TBCK: variants seen among roughly 807,000 people sequenced by gnomAD.
TBCK encodes the protein TBC1 domain containing kinase.
A neutral mutation model predicts 113.4 loss-of-function variants in TBCK; 99 were observed. That is an observed-to-expected ratio of 0.87 (90% CI 0.74 to 1.03). The LOEUF is 1.03. Ranked by LOEUF, TBCK falls within the 50% of genes least tolerant of loss-of-function variation. The probability of loss-of-function intolerance (pLI) is 0.00; values close to 1 mark genes in which losing one functional copy is unlikely to be tolerated. For synonymous variants in TBCK, 369 were observed against 370.8 expected, an observed-to-expected ratio of 1.00 and a Z score of 0.05; for missense variants, 1,045 against 1,061.3, an observed-to-expected ratio of 0.98 and a Z score of 0.21.
chr4:106,090,110 G>A (rs1287815219), intron 25 of TBCK, among the ~76,000 whole-genome samples: 1 of 152,224 alleles, frequency 6.6e-6, no homozygotes, highest in Non-Finnish European at 1.5e-5. Flanking sequence ...TTCTGCCTGG[G>A]TATCCAGACT....
intron 25 of TBCK, among the ~76,000 whole-genome samples, chr4:106,073,364 G>T (rs763612785): frequency 6.6e-6 from 1 of 152,046 alleles, no homozygotes; most frequent in Non-Finnish European, 1.5e-5. Context: ...CTCAGCTGCA[G>T]GTCTGTTGGA....
chr4:106,088,599 A>T (rs1739791781), intron 25 of TBCK, among the ~76,000 whole-genome samples: 1 of 152,226 alleles, frequency 6.6e-6, no homozygotes, highest in African/African-American at 2.4e-5. Context: ...ACTACTGGGT[A>T]TATACCCAAG....
At chr4:106,076,529 T>A (rs1467717010) in intron 25 of TBCK, among the ~76,000 whole-genome samples, 1 of 152,126 alleles carries the variant, frequency 6.6e-6, no homozygotes, top group African/African-American at 2.4e-5. Context: ...CCTTGTGAGA[T>A]ACTATGTAAG....
intron 3 of TBCK, among the ~76,000 whole-genome samples, chr4:106,289,933 C>T (rs1021264151): frequency 4.6e-5 from 7 of 152,036 alleles, no homozygotes; most frequent in African/African-American, 1.7e-4. Context: ...TCCAAGGATG[C>T]CTAACTAGTT....
chr4:106,092,563 G>T (rs1022553733), intron 25 of TBCK, among the ~76,000 whole-genome samples: 1 of 152,240 alleles, frequency 6.6e-6, no homozygotes, highest in Non-Finnish European at 1.5e-5. Context: ...GGCAGCTAAG[G>T]CCCGGTGAGA....
intron 24 of TBCK, among the ~76,000 whole-genome samples, chr4:106,097,436 T>C (rs555148940): frequency 4.6e-5 from 7 of 152,306 alleles, no homozygotes; most frequent in African/African-American, 1.4e-4. Context: ...TGAATGTCTG[T>C]AGACATGGTG....
At chr4:106,047,726 T>G (rs1734371149) in intron 25 of TBCK, among the ~76,000 whole-genome samples, 1 of 152,140 alleles carries the variant, frequency 6.6e-6, no homozygotes, top group African/African-American at 2.4e-5. Flanking sequence ...GGGCTCAATA[T>G]ATGTTTGCTG....
intron 15 of TBCK, among the ~76,000 whole-genome samples, chr4:106,234,218 ATTAAT>A (rs1396787730): frequency 6.6e-6 from 1 of 152,154 alleles, no homozygotes; most frequent in African/African-American, 2.4e-5. Flanking sequence ...TCTTTGAGAC[ATTAAT>A]TTAATGAGAG....
intron 19 of TBCK, among the ~76,000 whole-genome samples, chr4:106,218,766 TTGG>T (rs1369369564): frequency 9.8e-5 from 11 of 111,858 alleles, no homozygotes; most frequent in African/African-American, 3.3e-4. Context: ...TTTTACACTG[TTGG>T]TGGGACTGTA....
intron 25 of TBCK, among the ~76,000 whole-genome samples, chr4:106,089,572 A>G (rs1385028931): frequency 6.6e-6 from 1 of 152,196 alleles, no homozygotes; most frequent in African/African-American, 2.4e-5. Context: ...AGTCTCACGT[A>G]TCATCTGGAG....
intron 12 of TBCK, among the ~76,000 whole-genome samples, chr4:106,242,184 T>C (rs552168092): frequency 9.0e-4 from 137 of 152,186 alleles, no homozygotes; most frequent in African/African-American, 3.2e-3. Flanking sequence ...ACCATTAGAT[T>C]AACAATTTTT....
chr4:106,067,869 G>T (rs1228424733), intron 25 of TBCK, among the ~76,000 whole-genome samples: 5 of 152,088 alleles, frequency 3.3e-5, no homozygotes, highest in African/African-American at 9.7e-5. Flanking sequence ...CATTATGCCT[G>T]TATCGTTTTG....
At chr4:106,223,765 T>C (rs1268640814) in intron 19 of TBCK, among the ~76,000 whole-genome samples, 1 of 152,158 alleles carries the variant, frequency 6.6e-6, no homozygotes, top group Non-Finnish European at 1.5e-5. Context: ...ATAGTCTACC[T>C]GGTTCCTCAC....
intron 2 of TBCK, among the ~76,000 whole-genome samples, chr4:106,306,490 A>G (rs1447424170): frequency 1.3e-5 from 2 of 152,058 alleles, no homozygotes; most frequent in East Asian, 1.9e-4. Context: ...GTATTATTTA[A>G]TATTATCATG....
At chr4:106,293,748 C>T (rs996444560) in intron 3 of TBCK, among the ~76,000 whole-genome samples, 60 of 152,062 alleles carry the variant, frequency 3.9e-4, no homozygotes, top group Admixed American at 3.3e-4. Context: ...TGCTTTTCTT[C>T]CCTTGAAAAA....
intron 20 of TBCK, among the ~76,000 whole-genome samples, chr4:106,208,555 AGGGTGCT>A (rs1267301622): frequency 4.6e-5 from 7 of 152,084 alleles, no homozygotes; most frequent in Admixed American, 4.6e-4. Context: ...ACTTCAGGTA[AGGGTGCT>A]GTCCAACTCA....
chr4:106,310,976 C>T (rs1020491052), intron 1 of TBCK, among the ~76,000 whole-genome samples: 1 of 151,922 alleles, frequency 6.6e-6, no homozygotes, highest in African/African-American at 2.4e-5. Context: ...CCAATAGATA[C>T]ATGAGAAGAT....
intron 18 of TBCK, among the ~76,000 whole-genome samples, chr4:106,231,114 C>G (rs543506168): frequency 6.6e-6 from 1 of 151,560 alleles, no homozygotes; most frequent in South Asian, 2.1e-4. Flanking sequence ...TCTAGACATT[C>G]AAGCTATATA....
intron 19 of TBCK, among the ~76,000 whole-genome samples, chr4:106,221,263 G>A (rs1262852867): frequency 2.0e-5 from 3 of 152,088 alleles, no homozygotes; most frequent in Non-Finnish European, 4.4e-5. Flanking sequence ...GGGATTGCAG[G>A]CATGAGCCAC....
Sources: allele counts gnomAD v4.1 joint callset (sites outside exome capture counted in the v4.1 genomes callset), GRCh38; gene constraint gnomAD v4.1.1; transcripts MANE v1.5; gene names NCBI Gene and HGNC (gene_info 2026-07-23, HGNC 2026-07-21).